Variants in ITGA4 observed in about 807,000 individuals in gnomAD.
The protein encoded by ITGA4 is integrin alpha-4.
A neutral mutation model predicts 133.6 loss-of-function variants in ITGA4; 63 were observed. The observed-to-expected ratio is 0.47, with a 90% CI of 0.38 to 0.58. ITGA4 has a LOEUF of 0.58. Among genes scored for constraint, ITGA4 ranks in the 20% least tolerant of loss-of-function variants. ITGA4 has a pLI of 0.00. For missense variants in ITGA4, 1,076 were observed against 1,252.7 expected (o/e 0.86, Z 2.13); for synonymous variants, 483 against 438.0 (o/e 1.10, Z -1.28).
chr2:181,526,821 C>CTTTT lies in ITGA4; in HGVS notation c.2340-447_2340-444dup, dbSNP rs538208494. Among the ~76,000 whole-genome samples, 312 of 40,996 alleles carry CTTTT rather than the reference C, an allele frequency of 7.6e-3. 99 individuals carry two copies. Among genetic ancestry groups the CTTTT allele is most frequent in the East Asian group, 0.064 (70 of 1,086 alleles). 26.9% of individuals were successfully genotyped at this position (40,996 alleles called of 152,430 possible). A position where few individuals can be genotyped will look rare whatever the true frequency, so the allele number is the denominator to read the frequency against. On this transcript the variant is annotated intron_variant, in intron 21 of 27. Coordinates refer to ENST00000397033, the MANE Select transcript of ITGA4 (RefSeq NM_000885.6). ...TGTCACCCAGGTCAGAGCACATGGC[C>CTTTT]TTTTTTTTTTTTTTTTTTTTTTTTT...
At chr2:181,533,539 G>A (rs570975823) in intron 25 of ITGA4, among the ~76,000 whole-genome samples, 3 of 152,004 alleles carry the variant, frequency 2.0e-5, no homozygotes, top group East Asian at 1.9e-4. Context: ...GCCTCTATAC[G>A]CTCACTGCTG....
Position 181,494,724 on chromosome 2 carries a change from A to G in ITGA4, c.1251A>G (p.Arg417=). The part of the protein sequence containing the change: ...ADGISSTFSQ[R]IEGLQISKSL... Reference sequence around the variant, plus strand: ...CACTCAACTTTCCTATTTTTCAGAGAATTGAAGGACTTCAGATCAGCAAAT... The same window carrying G: ...CACTCAACTTTCCTATTTTTCAGAGGATTGAAGGACTTCAGATCAGCAAAT... The change falls in exon 12 of 28, where the codon AGA becomes AGG. Residue 417 remains arginine, a splice_region_variant and synonymous_variant. Coordinates refer to ENST00000397033, the MANE Select transcript of ITGA4 (RefSeq NM_000885.6). 6.4e-7 allele frequency: 1 copy of G among 1,567,302 alleles called. No individual in the cohort carries two copies. Among genetic ancestry groups the G allele is most frequent in the Non-Finnish European group, 8.8e-7 (1 of 1,137,670 alleles).
Position 181,495,696 on chromosome 2 carries a change from G to A in ITGA4, c.1386-87G>A. ...AATAAGACTCATGAAATTACTTGGTGAATGTAAACTGAAAAAACAAACGCA... is the reference window on the plus strand; with the variant it reads ...AATAAGACTCATGAAATTACTTGGTAAATGTAAACTGAAAAAACAAACGCA... On this transcript the variant is annotated intron_variant, in intron 13 of 27. Coordinates refer to ENST00000397033, the MANE Select transcript of ITGA4 (RefSeq NM_000885.6). This position sits in a 1 kb window ranked among gnomAD's most constrained non-coding sequence, Gnocchi z 4.3. 8.6e-7 allele frequency: 1 copy of A among 1,156,488 alleles called. No homozygotes were observed. The highest frequency in any genetic ancestry group is 1.4e-5 in the South Asian group (1 of 69,192). 71.6% of individuals were successfully genotyped at this position (1,156,488 alleles called of 1,614,324 possible). A position where few individuals can be genotyped will look rare whatever the true frequency, so the allele number is the denominator to read the frequency against.
At chr2:181,475,712 C>A in intron 4 of ITGA4, 1 of 1,398,542 alleles carries the variant, frequency 7.2e-7, no homozygotes. Flanking sequence ...GCAAATCTTT[C>A]ATTCGCACTC....
At chr2:181,480,900 C>G (rs993523753) in intron 6 of ITGA4, among the ~76,000 whole-genome samples, 5 of 152,088 alleles carry the variant, frequency 3.3e-5, no homozygotes, top group African/African-American at 1.2e-4. Context: ...GAAATGCAAA[C>G]TTTTCTGGCA....
intron 4 of ITGA4, among the ~76,000 whole-genome samples, chr2:181,478,252 G>C (rs186306048): frequency 1.4e-4 from 21 of 148,780 alleles, no homozygotes; most frequent in Non-Finnish European, 2.2e-4. Context: ...CATTTGTGTA[G>C]GATGAATAAG....
Position 181,458,362 on chromosome 2 carries a change from C to G in ITGA4, c.319+45C>G, listed in dbSNP as rs1559033756. ...AGGAGTTAGTGACCTCCCGACCCCC[C>G]ATGTGGACCCCACCATAGGGCAAGT... On this transcript the variant is annotated intron_variant, in intron 2 of 27. Coordinates refer to ENST00000397033, the MANE Select transcript of ITGA4 (RefSeq NM_000885.6). 3.8e-6 allele frequency: 6 copies of G among 1,591,524 alleles called. No homozygotes were observed. The Middle Eastern group carries it at 6.6e-4, about 176-fold the overall frequency.
intron 17 of ITGA4, among the ~76,000 whole-genome samples, chr2:181,513,330 A>T (rs1386931337): frequency 1.3e-5 from 2 of 152,094 alleles, no homozygotes; most frequent in Non-Finnish European, 2.9e-5. Flanking sequence ...GTTGCCCTAT[A>T]GTTTCAATCT....
At position 181,457,868 on chromosome 2, in the gene ITGA4, T is replaced by TC; in HGVS notation, c.197+17_197+18insC. 1 of 1,597,386 alleles carries TC rather than the reference T, an allele frequency of 6.3e-7. No homozygotes were observed. The highest frequency in any genetic ancestry group is 8.6e-7 in the Non-Finnish European group (1 of 1,169,572). ...GAACCGATGGTGAGTAGAGTTGGAC[T>TC]GATGCGCCCTCAGCAGCTCAGAGCG... On this transcript the variant is annotated intron_variant, in intron 1 of 27. Transcript: ENST00000397033.
At position 181,525,136 on chromosome 2, in the gene ITGA4, T is replaced by C. The variant is rs575988890; in HGVS notation, c.2250-66T>C. 8.5e-5 allele frequency: 74 copies of C among 873,038 alleles called. 1 individual carries two copies. In the South Asian group the frequency reaches 1.0e-3, roughly 12 times the overall value. The allele number at this position is 873,038 out of a possible 1,614,324, so 54.1% of individuals were successfully genotyped here. On this transcript the variant is annotated intron_variant, in intron 20 of 27. Coordinates refer to ENST00000397033, the MANE Select transcript of ITGA4 (RefSeq NM_000885.6). ...GAGTATATTAGGTATACAGGGTATG[T>C]AATTAGTTCTCTCTGAAGATTTTTC...
chr2:181,495,992 C>T lies in ITGA4; in HGVS notation c.1540+55C>T. On this transcript the variant is annotated intron_variant, in intron 14 of 27. Transcript: ENST00000397033. The surrounding 1 kb of genome is among the most constrained non-coding windows in gnomAD (Gnocchi z 4.3). ...ATGGGGTGCGGTTCATTCATTAATCCCACAATCCTGCTTGGAGCCCTCACC... is the reference window on the plus strand; with the variant it reads ...ATGGGGTGCGGTTCATTCATTAATCTCACAATCCTGCTTGGAGCCCTCACC... 1 of 1,558,194 alleles carries T rather than the reference C, an allele frequency of 6.4e-7. No homozygotes were observed. Among genetic ancestry groups the T allele is most frequent in the Non-Finnish European group, 8.8e-7 (1 of 1,137,716 alleles).
intron 17 of ITGA4, among the ~76,000 whole-genome samples, chr2:181,520,354 G>A (rs1467129174): frequency 6.6e-6 from 1 of 152,022 alleles, no homozygotes; most frequent in Non-Finnish European, 1.5e-5. Flanking sequence ...AAATATGACT[G>A]AAACAATGAA....
chr2:181,492,459 CT>C (rs1686071536), intron 10 of ITGA4, among the ~76,000 whole-genome samples: 1 of 152,106 alleles, frequency 6.6e-6, no homozygotes, highest in Non-Finnish European at 1.5e-5. Flanking sequence ...AGACAAACTA[CT>C]TTAGGTTTCT....
chr2:181,515,728 G>C (rs1294608842), intron 17 of ITGA4, among the ~76,000 whole-genome samples: 1 of 152,108 alleles, frequency 6.6e-6, no homozygotes, highest in Non-Finnish European at 1.5e-5. Flanking sequence ...TTCTGACAAA[G>C]TGCTTTGTGT....
At chr2:181,507,582 T>A (rs1252108691) in intron 15 of ITGA4, among the ~76,000 whole-genome samples, 2 of 152,070 alleles carry the variant, frequency 1.3e-5, no homozygotes, top group Non-Finnish European at 2.9e-5. Flanking sequence ...AGGACCCCAC[T>A]TGGATACAAA....
At chr2:181,505,309 A>G (rs980443351) in intron 15 of ITGA4, among the ~76,000 whole-genome samples, 1 of 152,026 alleles carries the variant, frequency 6.6e-6, no homozygotes, top group African/African-American at 2.4e-5. Flanking sequence ...GATATCTTAT[A>G]AATTTTTTTG....
At chr2:181,471,045 G>T (rs1253969042) in intron 2 of ITGA4, among the ~76,000 whole-genome samples, 1 of 152,150 alleles carries the variant, frequency 6.6e-6, no homozygotes, top group South Asian at 2.1e-4. Context: ...GTGTTAAGAA[G>T]TGAAAAGGGG....
intron 15 of ITGA4, among the ~76,000 whole-genome samples, chr2:181,508,333 C>T (rs1219752985): frequency 6.6e-6 from 1 of 151,628 alleles, no homozygotes; most frequent in Non-Finnish European, 1.5e-5. Flanking sequence ...GAATGGGTTA[C>T]AATTTCTGTG....
intron 25 of ITGA4, 137 bp downstream of exon 25, chr2:181,531,913 C>T (rs1206349271): frequency 5.5e-6 from 3 of 542,446 alleles, no homozygotes; most frequent in African/African-American, 2.0e-5. Context: ...AACTCTAAAA[C>T]TGTATTTCTA....
Sources: gnomAD v4.1 joint callset for allele counts (sites outside exome capture counted in the v4.1 genomes callset) on GRCh38, gnomAD v4.1.1 for gene constraint, Gnocchi (gnomAD v3.1) non-coding constraint, MANE v1.5 for transcripts, NCBI Gene and HGNC (gene_info 2026-07-23, HGNC 2026-07-21) for gene names.